ESR1: variants seen among roughly 807,000 people sequenced by gnomAD.
ESR1 encodes the protein estrogen receptor.
In ESR1, 12 loss-of-function variants were observed where a neutral mutation model predicts 52.7. That is an observed-to-expected ratio of 0.23 (90% CI 0.15 to 0.37). ESR1 has a LOEUF of 0.37. Among genes scored for constraint, ESR1 ranks in the 10% least tolerant of loss-of-function variants. ESR1 has a pLI of 1.00. For missense variants in ESR1, 584 were observed against 779.7 expected, an observed-to-expected ratio of 0.75 and a Z score of 2.99; for synonymous variants, 305 against 316.8, an observed-to-expected ratio of 0.96 and a Z score of 0.39.
intron 5 of ESR1, among the ~76,000 whole-genome samples, chr6:152,038,193 A>G (rs551014252): frequency 1.3e-5 from 2 of 152,202 alleles, no homozygotes; most frequent in African/African-American, 2.4e-5. Flanking sequence ...AGCATCCGTC[A>G]TGGGAGAAAG....
chr6:151,795,580 A>G (rs574103249), intron 2 of ESR1, among the ~76,000 whole-genome samples: 1 of 152,108 alleles, frequency 6.6e-6, no homozygotes, highest in East Asian at 1.9e-4. Flanking sequence ...GAGAGATACT[A>G]TTTTGAAAAG....
chr6:151,901,575 T>A (rs1411136624), intron 3 of ESR1, among the ~76,000 whole-genome samples: 1 of 152,194 alleles, frequency 6.6e-6, no homozygotes, highest in Admixed American at 6.5e-5. Flanking sequence ...AAGGTAGAAA[T>A]GGCTTATTAG....
chr6:152,085,439 G>A (rs1039243016), intron 6 of ESR1, among the ~76,000 whole-genome samples: 3 of 152,134 alleles, frequency 2.0e-5, no homozygotes, highest in Non-Finnish European at 4.4e-5. Context: ...TCATAAATTT[G>A]GATAAGACAC....
chr6:151,873,479 A>C (rs181221982), intron 2 of ESR1, among the ~76,000 whole-genome samples: 2 of 152,204 alleles, frequency 1.3e-5, no homozygotes, highest in African/African-American at 2.4e-5. Flanking sequence ...GGAAGTGAGC[A>C]CAAGTGTGAA....
At chr6:151,960,953 G>A (rs187170003) in intron 4 of ESR1, among the ~76,000 whole-genome samples, 63 of 152,246 alleles carry the variant, frequency 4.1e-4, no homozygotes, top group Non-Finnish European at 1.6e-4. Flanking sequence ...ATTCAGTTAT[G>A]GATGATTATT....
At chr6:151,913,081 T>C (rs940699301) in intron 3 of ESR1, among the ~76,000 whole-genome samples, 3 of 151,328 alleles carry the variant, frequency 2.0e-5, no homozygotes, top group African/African-American at 7.3e-5. Context: ...GAACTAAAAG[T>C]AAAATAAATG....
intron 1 of ESR1, among the ~76,000 whole-genome samples, chr6:151,676,199 G>C (rs1778246293): frequency 6.6e-6 from 1 of 152,160 alleles, no homozygotes; most frequent in South Asian, 2.1e-4. Flanking sequence ...AAGGAGGCCA[G>C]CCTGCTTCAC....
rs551574689 is a variant in ESR1 at position 151,818,205 on chromosome 6, C to T, written c.452+9841C>T. 7.2e-5 allele frequency among the ~76,000 whole-genome samples: 11 copies of T among 152,156 alleles called. No individual in the cohort carries two copies. The South Asian group carries it at 2.1e-3, about 29-fold the overall frequency. ...TGGTGTCTGGTCCTCAGTCCTCAAG[C>T]CCGCTCATTTCCTCATGTGAACTCA... is the stretch of plus-strand genomic sequence containing the variant. On this transcript the variant is annotated intron_variant, in intron 1 of 7. Coordinates refer to ENST00000206249, the MANE Select transcript of ESR1 (RefSeq NM_000125.4).
intron 2 of ESR1, among the ~76,000 whole-genome samples, chr6:151,787,306 G>C (rs1371088327): frequency 6.6e-6 from 1 of 152,120 alleles, no homozygotes; most frequent in African/African-American, 2.4e-5. Context: ...TTTTTGCTTA[G>C]ATTGTCTTGG....
intron 1 of ESR1, among the ~76,000 whole-genome samples, chr6:151,810,622 C>A (rs182415623): frequency 6.2e-4 from 95 of 152,216 alleles, no homozygotes; most frequent in African/African-American, 2.2e-3. Flanking sequence ...GGGTCATGAA[C>A]TCAGTTTAGT....
intron 4 of ESR1, among the ~76,000 whole-genome samples, chr6:151,997,879 G>A (rs141424063): frequency 4.6e-5 from 7 of 152,106 alleles, no homozygotes; most frequent in Non-Finnish European, 7.4e-5. Flanking sequence ...GAAAAGATTC[G>A]AAAGCAAGCC....
chr6:152,019,214 G>T (rs2043417575), intron 5 of ESR1, among the ~76,000 whole-genome samples: 1 of 152,086 alleles, frequency 6.6e-6, no homozygotes, highest in Admixed American at 6.6e-5. Context: ...ATTGAATTAT[G>T]CACTTTAAAT....
intron 1 of ESR1, among the ~76,000 whole-genome samples, chr6:151,680,353 A>C (rs530153758): frequency 6.6e-5 from 10 of 151,862 alleles, no homozygotes; most frequent in Admixed American, 5.9e-4. Context: ...ACAGGTGCAC[A>C]CCACCACGCC....
chr6:151,787,906 G>A lies in ESR1; in HGVS notation c.-70-19937G>A, dbSNP rs1032090569. Among the ~76,000 whole-genome samples the A allele has an allele frequency of 3.9e-5, 6 of 152,134 alleles. No individual in the cohort carries two copies. In the South Asian group the frequency reaches 6.2e-4, roughly 16 times the overall value. On this transcript the variant is annotated intron_variant, in intron 2 of 2. Transcript: ENST00000404742. The stretch of plus-strand genomic sequence containing the variant: ...TGTTGAATAGGAGTGGTGAGAGAGG[G>A]CATCATTTTCTTGTAACTGGACCCC...
At chr6:152,116,736 T>G (rs1228920193) in intron 6 of ESR1, among the ~76,000 whole-genome samples, 1 of 151,422 alleles carries the variant, frequency 6.6e-6, no homozygotes, top group Admixed American at 6.6e-5. Context: ...TATATTTGTA[T>G]TATTTATATC....
At chr6:152,076,431 G>T (rs1220279366) in intron 6 of ESR1, among the ~76,000 whole-genome samples, 1 of 152,162 alleles carries the variant, frequency 6.6e-6, no homozygotes, top group African/African-American at 2.4e-5. Context: ...GTCTTTATCA[G>T]CAGCACGAAA....
chr6:152,113,672 A>AT (rs1400492702), intron 6 of ESR1, among the ~76,000 whole-genome samples: 2 of 152,206 alleles, frequency 1.3e-5, no homozygotes, highest in African/African-American at 4.8e-5. Context: ...CATAAAAAAG[A>AT]TTAAAAACAA....
At chr6:151,889,528 G>A (rs1490188084) in intron 3 of ESR1, among the ~76,000 whole-genome samples, 1 of 152,004 alleles carries the variant, frequency 6.6e-6, no homozygotes, top group Non-Finnish European at 1.5e-5. Flanking sequence ...TTCTGATTCA[G>A]TTTATTTGTG....
At chr6:151,817,345 G>T (rs573634173) in intron 1 of ESR1, among the ~76,000 whole-genome samples, 15 of 152,170 alleles carry the variant, frequency 9.9e-5, no homozygotes, top group Non-Finnish European at 2.2e-4. Context: ...CTCTTCCTAT[G>T]ACTTTAGATG....
Sources: allele counts gnomAD v4.1 joint callset (sites outside exome capture counted in the v4.1 genomes callset), GRCh38; gene constraint gnomAD v4.1.1; transcripts MANE v1.5; gene names NCBI Gene and HGNC (gene_info 2026-07-23, HGNC 2026-07-21).